ZNF710: variants seen among roughly 807,000 people sequenced by gnomAD.
ZNF710 encodes zinc finger protein 710.
ZNF710 carries 13 observed loss-of-function variants against 50.6 expected under a neutral mutation model. The ratio of observed to expected loss-of-function variants is 0.26; its 90% CI spans 0.17 to 0.41. The LOEUF is 0.41. Among genes scored for constraint, ZNF710 ranks in the 10% least tolerant of loss-of-function variants. The probability of loss-of-function intolerance (pLI) is 1.00; values close to 1 mark genes in which losing one functional copy is unlikely to be tolerated. For missense variants in ZNF710, 721 were observed against 936.6 expected (o/e 0.77, Z 3.01); for synonymous variants, 383 against 397.0 (o/e 0.96, Z 0.42).
chr15:90,050,997 G>C (rs924776571), intron 1 of ZNF710, among the ~76,000 whole-genome samples: 3 of 152,138 alleles, frequency 2.0e-5, no homozygotes, highest in African/African-American at 7.2e-5. Context: ...CCAGCACTTT[G>C]GGAGGCCGAG....
intron 1 of ZNF710, among the ~76,000 whole-genome samples, chr15:90,015,222 CACAG>C (rs1450332476): frequency 6.6e-6 from 1 of 152,152 alleles, no homozygotes; most frequent in African/African-American, 2.4e-5. Context: ...AGGCTAAAAA[CACAG>C]ACAGTTCACA....
rs539025202 is a variant in ZNF710 at position 90,073,074 on chromosome 15, G to C, written c.1462G>C (p.Val488Leu). 1 of 1,613,540 alleles carries C rather than the reference G, an allele frequency of 6.2e-7. No individual in the cohort carries two copies. Among genetic ancestry groups the C allele is most frequent in the Admixed American group, 1.7e-5 (1 of 60,014 alleles). ...LKQHSLTHKG[V>L]KEFKCEVCGR... Reference sequence around the variant, plus strand: ...ACCATCACCCCCCACCCCACAGGGCGTGAAGGAGTTCAAGTGCGAGGTGTG... The same window carrying C: ...ACCATCACCCCCCACCCCACAGGGCCTGAAGGAGTTCAAGTGCGAGGTGTG... The change falls in exon 3 of 5, where the codon GTG becomes CTG. Residue 488 changes from valine (V) to leucine (L), a missense_variant. This residue lies in a region of ZNF710 where 326 missense variants were observed against 522.0 expected (regional missense o/e 0.62). Coordinates refer to ENST00000268154, the MANE Select transcript of ZNF710 (RefSeq NM_198526.4).
In ZNF710 at chr15:90,057,690, A is replaced by AAATAATAATAATAATAATAATAAT. The variant is rs71151550; in HGVS notation, c.-28-9407_-28-9384dup. Among the ~76,000 whole-genome samples, 150 of 139,510 alleles carry AAATAATAATAATAATAATAATAAT rather than the reference A, an allele frequency of 1.1e-3. 1 individual carries two copies. The highest frequency in any genetic ancestry group is 3.0e-3 in the African/African-American group (110 of 36,706). 91.5% of individuals were successfully genotyped at this position (139,510 alleles called of 152,430 possible). On this transcript the variant is annotated intron_variant, in intron 1 of 4. Transcript: ENST00000268154. ...CCAGCCTGGGTTACAGAGCAAGACT[A>AAATAATAATAATAATAATAATAAT]AATAATAATAATAATAATAATAATA... is the stretch of plus-strand genomic sequence containing the variant.
Position 90,067,727 on chromosome 15 carries a change from A to G in ZNF710, c.590A>G (p.Asp197Gly). The G allele has an allele frequency of 6.2e-7, 1 of 1,604,086 alleles. No individual in the cohort carries two copies. Among genetic ancestry groups the G allele is most frequent in the South Asian group, 1.1e-5 (1 of 90,492 alleles). Reference sequence around the variant, plus strand: ...CCTCACTTCCCGGCCCCGGCCCGGGATGGCTTCCCCGAGCCCAGCATGGCG... The same window carrying G: ...CCTCACTTCCCGGCCCCGGCCCGGGGTGGCTTCCCCGAGCCCAGCATGGCG... ...YDPHFPAPARDGFPEPSMALP... is the reference protein window; with the variant it reads ...YDPHFPAPARGGFPEPSMALP... Residue 197 changes from aspartate to glycine, a missense_variant, in exon 2 of 5, where the codon GAT becomes GGT. This residue lies in a region of ZNF710 where 326 missense variants were observed against 347.1 expected (regional missense o/e 0.94). Coordinates refer to ENST00000268154, the MANE Select transcript of ZNF710 (RefSeq NM_198526.4). The surrounding 1 kb of genome is among the most constrained non-coding windows in gnomAD (Gnocchi z 8.1).
In ZNF710 at chr15:90,034,225, A is replaced by G. The variant is rs1330621336; in HGVS notation, c.-29+32611A>G. ...AAAAAAAGAAAAGAAAAGAAAAGAA[A>G]AGAAAACAGGTGAACGACAGTCACT... is the stretch of plus-strand genomic sequence containing the variant. On this transcript the variant is annotated intron_variant, in intron 1 of 4. Transcript: ENST00000268154. The surrounding 1 kb of genome is among the most constrained non-coding windows in gnomAD (Gnocchi z 4.0). Among the ~76,000 whole-genome samples the G allele has an allele frequency of 6.6e-6, 1 of 151,862 alleles. No individual in the cohort carries two copies. Among genetic ancestry groups the G allele is most frequent in the Non-Finnish European group, 1.5e-5 (1 of 67,950 alleles).
At chr15:89,999,764 G>A (rs1210102800), upstream of ZNF710, among the ~76,000 whole-genome samples, 2 of 152,070 alleles carry the variant, frequency 1.3e-5, no homozygotes, top group Non-Finnish European at 2.9e-5. Flanking sequence ...TCCCCGGGAG[G>A]CTGCAGTCAC....
chr15:90,034,428 CTGTGTGTGTGTG>C lies in ZNF710; in HGVS notation c.-28-32646_-28-32635del, dbSNP rs398028304. Among the ~76,000 whole-genome samples, 3,058 of 136,266 alleles carry C rather than the reference CTGTGTGTGTGTG, an allele frequency of 0.022. 106 individuals carry two copies. Among genetic ancestry groups the C allele is most frequent in the African/African-American group, 0.068 (2,583 of 37,780 alleles). The allele number at this position is 136,266 out of a possible 152,430, so 89.4% of individuals were successfully genotyped here. A position where few individuals can be genotyped will look rare whatever the true frequency, so the allele number is the denominator to read the frequency against. The stretch of plus-strand genomic sequence containing the variant: ...AGCTGTCCTTCCTGTTTCCAAATTC[CTGTGTGTGTGTG>C]TGTGTGTGTGTGTGTGTGTGTGTGT... On this transcript the variant is annotated intron_variant, in intron 1 of 4. Coordinates refer to ENST00000268154, the MANE Select transcript of ZNF710 (RefSeq NM_198526.4). The surrounding 1 kb of genome is among the most constrained non-coding windows in gnomAD (Gnocchi z 4.0).
At chr15:90,005,756 T>C (rs900749739) in intron 1 of ZNF710, among the ~76,000 whole-genome samples, 4 of 152,188 alleles carry the variant, frequency 2.6e-5, no homozygotes, top group Admixed American at 6.5e-5. Context: ...CCTAAAACAA[T>C]AGGTTTTGAA....
intron 1 of ZNF710, among the ~76,000 whole-genome samples, chr15:90,002,019 CGCGGCG>C (rs755847079): frequency 2.0e-4 from 29 of 146,790 alleles, no homozygotes; most frequent in East Asian, 1.1e-3. Flanking sequence ...AGGAAAGCGT[CGCGGCG>C]GCGGCGGCGG....
At chr15:90,003,217 C>A (rs1898059077) in intron 1 of ZNF710, among the ~76,000 whole-genome samples, 1 of 152,176 alleles carries the variant, frequency 6.6e-6, no homozygotes, top group South Asian at 2.1e-4. Context: ...AGTGAGGGAC[C>A]AACGTCATGG....
In ZNF710 at chr15:90,002,922, GGAGTGCAGTGGCGC is replaced by G. The variant is rs1170077664; in HGVS notation, c.-29+1311_-29+1324del. On this transcript the variant is annotated intron_variant, in intron 1 of 4. Coordinates refer to ENST00000268154, the MANE Select transcript of ZNF710 (RefSeq NM_198526.4). The stretch of plus-strand genomic sequence containing the variant: ...GGAGTCTTGCTCTGTCGCCCAGGCT[GGAGTGCAGTGGCGC>G]GATCTCGGCTCACTGCAGCCTCCGT... Among the ~76,000 whole-genome samples, 3 of 152,232 alleles carry G rather than the reference GGAGTGCAGTGGCGC, an allele frequency of 2.0e-5. No homozygotes were observed. In the East Asian group the frequency reaches 5.8e-4, roughly 29 times the overall value.
At chr15:90,051,371 C>G (rs1036757357) in intron 1 of ZNF710, among the ~76,000 whole-genome samples, 1 of 152,014 alleles carries the variant, frequency 6.6e-6, no homozygotes, top group South Asian at 2.1e-4. Flanking sequence ...CAGTGGTTCA[C>G]GCCTGCAATC....
chr15:90,028,907 CACAT>C (rs1400029857), intron 1 of ZNF710, among the ~76,000 whole-genome samples: 1 of 152,168 alleles, frequency 6.6e-6, no homozygotes, highest in East Asian at 1.9e-4. Context: ...ATGTGAAAAA[CACAT>C]GCATGAAGAG....
chr15:90,045,574 G>T (rs1162550516), intron 1 of ZNF710, among the ~76,000 whole-genome samples: 1 of 152,114 alleles, frequency 6.6e-6, no homozygotes, highest in African/African-American at 2.4e-5. Context: ...TGCGTGGCCT[G>T]TGAGCTCAGA....
chr15:90,028,913 C>T (rs959327735), intron 1 of ZNF710, among the ~76,000 whole-genome samples: 1 of 152,172 alleles, frequency 6.6e-6, no homozygotes, highest in South Asian at 2.1e-4. Context: ...AAAACACATG[C>T]ATGAAGAGGA....
rs189021255 is a variant in ZNF710, at chr15:90,023,810, A to G, written c.-29+22196A>G. On this transcript the variant is annotated intron_variant, in intron 1 of 4. Coordinates refer to ENST00000268154, the MANE Select transcript of ZNF710 (RefSeq NM_198526.4). ...TCAGAAGTTCGAGACCAGCCTAGGC[A>G]GCATGGCAAAACCCGGTCTCTACCA... is the stretch of plus-strand genomic sequence containing the variant. Among the ~76,000 whole-genome samples the G allele has an allele frequency of 2.0e-3, 309 of 152,328 alleles. 2 individuals are homozygous for G. The highest frequency in any genetic ancestry group is 5.7e-3 in the African/African-American group (237 of 41,572).
chr15:90,023,824 C>T (rs772787158), intron 1 of ZNF710, among the ~76,000 whole-genome samples: 4 of 152,166 alleles, frequency 2.6e-5, no homozygotes, highest in South Asian at 2.1e-4. Context: ...TGGCAAAACC[C>T]GGTCTCTACC....
intron 1 of ZNF710, among the ~76,000 whole-genome samples, chr15:90,043,354 C>T (rs1010510122): frequency 6.6e-6 from 1 of 152,216 alleles, no homozygotes; most frequent in African/African-American, 2.4e-5. Flanking sequence ...CAGGCCAGGG[C>T]TCTCTCCCTT....
rs200744628 is a variant in ZNF710 at position 90,020,485 on chromosome 15, CCCG to C, written c.-29+18874_-29+18876del. ...GGCTGGTGGAGGCCCGAACTGCCTC[CCCG>C]CCCCCGGGGAGACACAGCATGCCAG... is the stretch of plus-strand genomic sequence containing the variant. On this transcript the variant is annotated intron_variant, in intron 1 of 4. Transcript: ENST00000268154. 5.0e-5 allele frequency among the ~76,000 whole-genome samples: 5 copies of C among 100,248 alleles called. 1 individual carries two copies. The South Asian group carries it at 1.0e-3, about 21-fold the overall frequency. 65.8% of individuals were successfully genotyped at this position (100,248 alleles called of 152,430 possible).
Sources: allele counts gnomAD v4.1 joint callset (sites outside exome capture counted in the v4.1 genomes callset), GRCh38; gene constraint gnomAD v4.1.1; regional missense constraint gnomAD v4.1.1; non-coding constraint Gnocchi (gnomAD v3.1); transcripts MANE v1.5; gene names NCBI Gene and HGNC (gene_info 2026-07-23, HGNC 2026-07-21).